RNF32: variants seen among roughly 807,000 people sequenced by gnomAD.
The protein encoded by RNF32 is ring finger protein 32.
A neutral mutation model predicts 41.0 loss-of-function variants in RNF32; 36 were observed. That is an observed-to-expected ratio of 0.88 (90% CI 0.67 to 1.16). RNF32 has a LOEUF of 1.16. Among genes scored for constraint, RNF32 ranks in the 50% most tolerant of loss-of-function variants. The pLI is 0.00. For missense variants in RNF32, 413 were observed against 436.7 expected (o/e 0.95, Z 0.48); for synonymous variants, 154 against 160.9 (o/e 0.96, Z 0.32).
At chr7:156,667,876 TTAA>T (rs1160059224) in intron 7 of RNF32, among the ~76,000 whole-genome samples, 1 of 152,216 alleles carries the variant, frequency 6.6e-6, no homozygotes, top group Non-Finnish European at 1.5e-5. Flanking sequence ...AGTATATTTA[TTAA>T]TAAGCTAATG....
At chr7:156,650,032 T>TC (rs1798508911) in intron 3 of RNF32, among the ~76,000 whole-genome samples, 1 of 152,216 alleles carries the variant, frequency 6.6e-6, no homozygotes, top group East Asian at 1.9e-4. Flanking sequence ...GAGGCTTTTT[T>TC]TCCTTTAAGC....
chr7:156,663,647 GAC>G (rs1800952525), intron 7 of RNF32, among the ~76,000 whole-genome samples: 1 of 152,176 alleles, frequency 6.6e-6, no homozygotes, highest in East Asian at 1.9e-4. Flanking sequence ...TTTTTTAAAA[GAC>G]AGATTGATGA....
chr7:156,645,992 A>AAT, intron 3 of RNF32, among the ~76,000 whole-genome samples: 1 of 152,204 alleles, frequency 6.6e-6, no homozygotes, highest in East Asian at 1.9e-4. Context: ...AGTCAGCCTT[A>AAT]CCTCCGTCAT....
chr7:156,659,272 A>G, intron 7 of RNF32: 1 of 1,022,368 alleles, frequency 9.8e-7, no homozygotes, highest in Non-Finnish European at 1.2e-6. Context: ...CCCAGCACAC[A>G]GTAGGTGCTG....
Position 156,644,713 on chromosome 7 carries a change from A to G in RNF32, c.230A>G (p.Glu77Gly). 1 of 1,612,092 alleles carries G rather than the reference A, an allele frequency of 6.2e-7. No individual in the cohort carries two copies. Among genetic ancestry groups the G allele is most frequent in the South Asian group, 1.1e-5 (1 of 90,354 alleles). ...CAGTGCCCCAAACTAGAAGACTCAGAAAAAGAATATGTTCTTGATCCCAAA... is the reference window on the plus strand; with the variant it reads ...CAGTGCCCCAAACTAGAAGACTCAGGAAAAGAATATGTTCTTGATCCCAAA... ...TTQCPKLEDS[E>G]KEYVLDPKPP... The change falls in exon 3 of 9, where the codon GAA becomes GGA. Residue 77 changes from glutamate (E) to glycine (G), a missense_variant. Glu to Gly is a moderately conservative substitution (Grantham distance 98). Transcript: ENST00000317955.
chr7:156,672,897 A>G (rs149047641), intron 7 of RNF32, among the ~76,000 whole-genome samples: 4 of 152,350 alleles, frequency 2.6e-5, no homozygotes, highest in South Asian at 4.1e-4. Flanking sequence ...GGTAACTTCT[A>G]TGACCGTGGT....
At chr7:156,646,620 G>A in intron 3 of RNF32, 2 of 648,972 alleles carry the variant, frequency 3.1e-6, no homozygotes, top group Non-Finnish European at 4.6e-6. Context: ...GTCCCTGATA[G>A]GGGAGAACTT....
chr7:156,676,153 G>C, intron 8 of RNF32: 1 of 1,090,730 alleles, frequency 9.2e-7, no homozygotes, highest in Non-Finnish European at 1.3e-6. Flanking sequence ...CCTTCAGTTT[G>C]AAATTCTGGA....
intron 1 of RNF32, among the ~76,000 whole-genome samples, chr7:156,642,038 A>T (rs1430608402): frequency 6.6e-6 from 1 of 152,160 alleles, no homozygotes; most frequent in Admixed American, 6.5e-5. Context: ...CGCCTTAGTG[A>T]GTTTGTTCTT....
intron 1 of RNF32, among the ~76,000 whole-genome samples, chr7:156,642,444 C>T (rs1301906066): frequency 6.6e-6 from 1 of 152,240 alleles, no homozygotes; most frequent in African/African-American, 2.4e-5. Context: ...CAAGCCAAAG[C>T]TCTGAAGCAC....
chr7:156,671,973 G>A (rs1231995624), intron 7 of RNF32, among the ~76,000 whole-genome samples: 2 of 152,174 alleles, frequency 1.3e-5, no homozygotes, highest in Non-Finnish European at 2.9e-5. Context: ...ATCAAAACTT[G>A]TGGAATGGAA....
At chr7:156,654,824 C>T in intron 4 of RNF32, 106 bp downstream of exon 4, 1 of 1,076,818 alleles carries the variant, frequency 9.3e-7, no homozygotes, top group Non-Finnish European at 1.4e-6. Flanking sequence ...CAGTTTCATC[C>T]TCCTGTGTGA....
intron 7 of RNF32, chr7:156,659,721 G>A (rs180943826): frequency 2.1e-5 from 16 of 759,730 alleles, no homozygotes; most frequent in South Asian, 1.8e-4. Context: ...TGAACTGGAC[G>A]AGAACTGGCC....
At chr7:156,668,371 A>G (rs376579350) in intron 7 of RNF32, among the ~76,000 whole-genome samples, 1 of 152,234 alleles carries the variant, frequency 6.6e-6, no homozygotes, top group African/African-American at 2.4e-5. Flanking sequence ...TGGCCAGACC[A>G]TAAGATTCAC....
chr7:156,648,029 G>GT (rs11450384), intron 3 of RNF32, among the ~76,000 whole-genome samples: 62,500 of 142,706 alleles, frequency 0.44, 14,161 homozygotes, highest in African/African-American at 0.63. Context: ...GGGATTATTT[G>GT]TTTTTTTTTT....
intron 5 of RNF32, 30 bp from the exon 6 acceptor site, chr7:156,658,098 T>A (rs1483731624): frequency 6.2e-7 from 1 of 1,603,900 alleles, no homozygotes; most frequent in African/African-American, 1.3e-5. Flanking sequence ...TAATTACTTG[T>A]AAAATTTTAA....
intron 5 of RNF32, 121 bp from the exon 6 acceptor site, chr7:156,658,007 T>C: frequency 1.0e-6 from 1 of 990,914 alleles, no homozygotes; most frequent in Non-Finnish European, 1.5e-6. Flanking sequence ...TAACCTAAAT[T>C]GGGCTAAGTC....
At chr7:156,671,202 G>C (rs1802415420) in intron 7 of RNF32, among the ~76,000 whole-genome samples, 1 of 152,228 alleles carries the variant, frequency 6.6e-6, no homozygotes, top group Non-Finnish European at 1.5e-5. Flanking sequence ...TGGCAGGGCA[G>C]ATGGAAGACA....
chr7:156,654,777 CCA>C (rs1230971759), intron 4 of RNF32, 59 bp downstream of exon 4: 1 of 1,515,404 alleles, frequency 6.6e-7, no homozygotes, highest in Non-Finnish European at 9.1e-7. Flanking sequence ...GGGACGAGGC[CCA>C]GAGCTGGAGC....
Sources: allele counts gnomAD v4.1 joint callset (sites outside exome capture counted in the v4.1 genomes callset), GRCh38; gene constraint gnomAD v4.1.1; transcripts MANE v1.5; gene names NCBI Gene and HGNC (gene_info 2026-07-23, HGNC 2026-07-21).